Variants in TEDC2 observed in about 807,000 individuals in gnomAD.
The protein encoded by TEDC2 is tubulin epsilon and delta complex 2.
A neutral mutation model predicts 48.1 loss-of-function variants in TEDC2; 49 were observed. The ratio of observed to expected loss-of-function variants is 1.02; its 90% CI spans 0.81 to 1.29. TEDC2 has a LOEUF of 1.29. TEDC2 is among the 50% of genes most tolerant of loss of function. The pLI is 0.00. For synonymous variants in TEDC2, 299 were observed against 247.1 expected (o/e 1.21, Z -1.97); for missense variants, 631 against 571.4 (o/e 1.10, Z -1.06).
chr16:2,460,812 A>G lies in TEDC2; in HGVS notation c.197-4A>G, dbSNP rs1479005572. ...GATCCCTGCATAATTCTTGGCTTTC[A>G]CAGCATGCACACCCAGTCCACAAGA... is the stretch of plus-strand genomic sequence containing the variant. On this transcript the variant is annotated splice_polypyrimidine_tract_variant and splice_region_variant and intron_variant, in intron 3 of 9. Transcript: ENST00000361837. The G allele has an allele frequency of 6.2e-7, 1 of 1,610,654 alleles. No individual in the cohort carries two copies. The highest frequency in any genetic ancestry group is 1.7e-5 in the Admixed American group (1 of 59,910).
chr16:2,464,043 G>T lies in TEDC2; in HGVS notation c.969G>T (p.Val323=). 1 of 1,611,912 alleles carries T rather than the reference G, an allele frequency of 6.2e-7. No homozygotes were observed. The highest frequency in any genetic ancestry group is 1.1e-5 in the South Asian group (1 of 91,048). ...LHRLQELRAA[V]AEQPPRPCPV... is the part of the protein sequence containing the mutation. ...CACATTCTCCTGTGCACACAGCGGT[G>T]GCGGAACAGCCACCAAGACCATGTC... is the stretch of plus-strand genomic sequence containing the variant. The change falls in exon 9 of 10, where the codon GTG becomes GTT. Residue 323 remains valine (V), a synonymous_variant. Coordinates refer to ENST00000361837, the MANE Select transcript of TEDC2 (RefSeq NM_025108.3).
In TEDC2 at chr16:2,460,670, C is replaced by T; in HGVS notation, c.173C>T (p.Thr58Ile). The change falls in exon 3 of 10, where the codon ACT (threonine) becomes ATT (isoleucine). Residue 58 changes from threonine (T) to isoleucine (I), a missense_variant. By Grantham distance (89) the Thr-to-Ile change is moderately conservative. Transcript: ENST00000361837. ...RALKPPPGPETNGEDPLPACT... is the reference protein window; with the variant it reads ...RALKPPPGPEINGEDPLPACT... ...TTGAAGCCACCTCCAGGGCCAGAAA[C>T]TAATGGAGAGGACCCCCTTCCAGGT... 6.2e-7 allele frequency: 1 copy of T among 1,613,096 alleles called. No individual in the cohort carries two copies. The highest frequency in any genetic ancestry group is 8.5e-7 in the Non-Finnish European group (1 of 1,180,026).
chr16:2,460,544 G>C (rs944505914), intron 2 of TEDC2, 79 bp from the exon 3 acceptor site: 1 of 1,568,482 alleles, frequency 6.4e-7, no homozygotes, highest in Non-Finnish European at 8.6e-7. Context: ...GGCCTGCCGC[G>C]GGGCCCGGCG....
chr16:2,461,665 C>A, intron 4 of TEDC2, 82 bp from the exon 5 acceptor site: 1 of 1,548,896 alleles, frequency 6.5e-7, no homozygotes, highest in South Asian at 1.1e-5. Flanking sequence ...AGCCTCATCC[C>A]TGATTGGGCT....
In TEDC2 at chr16:2,462,488, C is replaced by G; in HGVS notation, c.824C>G (p.Ser275Trp). The G allele has an allele frequency of 2.5e-6, 4 of 1,609,206 alleles. No homozygotes were observed. Among genetic ancestry groups the G allele is most frequent in the Non-Finnish European group, 3.4e-6 (4 of 1,178,282 alleles). ...GCGGGGCGCCTGCGGAAGGCCTGCT[C>G]GCTGCTGAGACTGCGCATGAGGGAG... ...AEAGRLRKAC[S>W]LLRLRMREEL... Residue 275 changes from serine (S) to tryptophan (W), a missense_variant, in exon 7 of 10, where the codon TCG (serine) becomes TGG (tryptophan). By Grantham distance (177) the Ser-to-Trp change is radical. Coordinates refer to ENST00000361837, the MANE Select transcript of TEDC2 (RefSeq NM_025108.3).
chr16:2,462,598 G>C (rs760304198), intron 7 of TEDC2, 33 bp from the exon 8 acceptor site: 21 of 1,538,400 alleles, frequency 1.4e-5, no homozygotes, highest in Non-Finnish European at 1.4e-5. Flanking sequence ...AGACTGCCAC[G>C]GGCCCCACCT....
chr16:2,462,814 CAG>C (rs1353542671), intron 8 of TEDC2, 82 bp downstream of exon 8: 10 of 1,323,828 alleles, frequency 7.6e-6, no homozygotes, highest in Middle Eastern at 2.7e-4. Context: ...GTCTGCGCCT[CAG>C]GGAAGGGTGA....
chr16:2,460,443 C>T (rs993078662), intron 2 of TEDC2, 62 bp downstream of exon 2: 7 of 1,530,422 alleles, frequency 4.6e-6, no homozygotes, highest in Non-Finnish European at 6.2e-6. Flanking sequence ...CCGCCCCGAG[C>T]GCCCAGGGCT....
At chr16:2,461,321 G>A in intron 4 of TEDC2, 97 bp downstream of exon 4, 4 of 1,382,202 alleles carry the variant, frequency 2.9e-6, no homozygotes, top group Non-Finnish European at 3.8e-6. Flanking sequence ...AGGGAAGGCA[G>A]GGCATCGAGC....
In TEDC2 at chr16:2,462,034, C is replaced by T. The variant is rs1259205448; in HGVS notation, c.660-115C>T. The T allele has an allele frequency of 8.2e-6, 10 of 1,215,666 alleles. No homozygotes were observed. In the African/African-American group the frequency reaches 1.4e-4, roughly 16 times the overall value. 75.3% of individuals were successfully genotyped at this position (1,215,666 alleles called of 1,614,324 possible). On this transcript the variant is annotated intron_variant, in intron 5 of 9. Coordinates refer to ENST00000361837, the MANE Select transcript of TEDC2 (RefSeq NM_025108.3). ...CCTCCTGGCATTCAGCAGAGCCAGA[C>T]GCCCAGCCTGGGGTCCCCACCCTGG...
chr16:2,461,423 A>G lies in TEDC2; in HGVS notation c.605+199A>G, dbSNP rs2065466033. ...CAGGTTGGCACCATCAGGTCAGGGA[A>G]GTACTGGAGCCTGTCCTCCTCTCTT... On this transcript the variant is annotated intron_variant, in intron 4 of 9. Transcript: ENST00000361837. 4 of 730,930 alleles carry G rather than the reference A, an allele frequency of 5.5e-6. No homozygotes were observed. The East Asian group carries it at 8.5e-5, about 16-fold the overall frequency. The allele number at this position is 730,930 out of a possible 1,614,324, so 45.3% of individuals were successfully genotyped here.
chr16:2,461,399 A>C (rs1170985240), intron 4 of TEDC2, 175 bp downstream of exon 4: 3 of 912,848 alleles, frequency 3.3e-6, no homozygotes, highest in Non-Finnish European at 4.7e-6. Flanking sequence ...GGTGGTGTCC[A>C]GGTTGGCACC....
chr16:2,461,046 C>A lies in TEDC2; in HGVS notation c.427C>A (p.Arg143Ser). ...AGACACGAGACCCACCAAGGGCCTC[C>A]GCCAGACCACGGTGCCTGCCAAGGG... ...ASDTRPTKGL[R>S]QTTVPAKGHP... The change falls in exon 4 of 10, where the codon CGC becomes AGC. Residue 143 changes from arginine to serine, a missense_variant. Arg to Ser is a moderately radical substitution (Grantham distance 110). Coordinates refer to ENST00000361837, the MANE Select transcript of TEDC2 (RefSeq NM_025108.3). 1 of 1,607,838 alleles carries A rather than the reference C, an allele frequency of 6.2e-7. No individual in the cohort carries two copies. The highest frequency in any genetic ancestry group is 8.5e-7 in the Non-Finnish European group (1 of 1,176,182).
In TEDC2 at chr16:2,460,178, C is replaced by T. The variant is rs2065455907; in HGVS notation, c.26+8C>T. ...GGCGGGCTGCTCGCGCCGGTGAGGCCTGCGCGGCAGGAGGGGGTGGGAGGA... is the reference window on the plus strand; with the variant it reads ...GGCGGGCTGCTCGCGCCGGTGAGGCTTGCGCGGCAGGAGGGGGTGGGAGGA... On this transcript the variant is annotated splice_region_variant and intron_variant, in intron 1 of 9. Transcript: ENST00000361837. 1.4e-6 allele frequency: 2 copies of T among 1,380,474 alleles called. No homozygotes were observed. Among genetic ancestry groups the T allele is most frequent in the Non-Finnish European group, 1.9e-6 (2 of 1,078,710 alleles). The allele number at this position is 1,380,474 out of a possible 1,614,324, so 85.5% of individuals were successfully genotyped here. A position where few individuals can be genotyped will look rare whatever the true frequency, so the allele number is the denominator to read the frequency against.
chr16:2,461,634 G>C, intron 4 of TEDC2, 113 bp from the exon 5 acceptor site: 1 of 1,299,806 alleles, frequency 7.7e-7, no homozygotes, highest in Non-Finnish European at 1.1e-6. Flanking sequence ...TGGTGGGGTC[G>C]GGTGTGGGAG....
intron 8 of TEDC2, 172 bp from the exon 9 acceptor site, chr16:2,463,867 G>T: frequency 1.4e-6 from 1 of 695,798 alleles, no homozygotes; most frequent in Non-Finnish European, 2.3e-6. Flanking sequence ...AGGACTCCCT[G>T]CCAGCAAGTC....
intron 9 of TEDC2, 116 bp downstream of exon 9, chr16:2,464,345 G>T (rs1448546571): frequency 2.1e-6 from 3 of 1,397,620 alleles, no homozygotes; most frequent in Middle Eastern, 4.0e-4. Context: ...CAAGCCTGGG[G>T]TCTGTGTGTG....
intron 7 of TEDC2, 23 bp downstream of exon 7, chr16:2,462,549 T>G: frequency 6.3e-7 from 1 of 1,579,446 alleles, no homozygotes; most frequent in Non-Finnish European, 8.6e-7. Flanking sequence ...TGGGTCTGTA[T>G]CAGGAGGAGT....
Position 2,464,916 on chromosome 16 carries a change from G to A in TEDC2, c.*248G>A. ...CTGGCTCCCTCTGTTTTCTCTCACT[G>A]TAGACCAAAGAGCCGCTTGTGTGAT... On this transcript the variant is annotated 3_prime_UTR_variant, in exon 10 of 10. Transcript: ENST00000361837. The A allele has an allele frequency of 1.8e-6, 1 of 552,148 alleles. No individual in the cohort carries two copies. Among genetic ancestry groups the A allele is most frequent in the Non-Finnish European group, 3.2e-6 (1 of 312,506 alleles). The allele number at this position is 552,148 out of a possible 1,614,324, so 34.2% of individuals were successfully genotyped here. A position where few individuals can be genotyped will look rare whatever the true frequency, so the allele number is the denominator to read the frequency against.
Sources: allele counts gnomAD v4.1 joint callset, GRCh38; gene constraint gnomAD v4.1.1; transcripts MANE v1.5; gene names NCBI Gene and HGNC (gene_info 2026-07-23, HGNC 2026-07-21).